RIMKLB: variants seen among roughly 807,000 people sequenced by gnomAD.
The protein encoded by RIMKLB is ribosomal modification protein rimK like family member B, also known as beta-citrylglutamate synthase B.
In RIMKLB, 7 loss-of-function variants were observed where a neutral mutation model predicts 32.0. The observed-to-expected ratio is 0.22, with a 90% CI of 0.12 to 0.41. The LOEUF (loss-of-function observed/expected upper bound fraction) is 0.41, where lower values mean the gene tolerates loss of function less well. Ranked by LOEUF, RIMKLB falls within the 10% of genes least tolerant of loss-of-function variation. The probability of loss-of-function intolerance (pLI) is 1.00; values close to 1 mark genes in which losing one functional copy is unlikely to be tolerated. For missense variants in RIMKLB, 289 were observed against 498.7 expected, an observed-to-expected ratio of 0.58 and a Z score of 4.00; for synonymous variants, 172 against 185.1, an observed-to-expected ratio of 0.93 and a Z score of 0.57.
chr12:8,689,238 T>C (rs10505736), intron 1 of RIMKLB, among the ~76,000 whole-genome samples: 35,547 of 152,216 alleles, frequency 0.23, 4,378 homozygotes, highest in Non-Finnish European at 0.26. Flanking sequence ...CAGGGGCTAC[T>C]TATACCTGGA....
chr12:8,723,511 T>G (rs1176896231), intron 2 of RIMKLB, among the ~76,000 whole-genome samples: 1 of 152,140 alleles, frequency 6.6e-6, no homozygotes, highest in African/African-American at 2.4e-5. Flanking sequence ...AAAATGACAC[T>G]GATTGACTTG....
rs944305388 is a variant in RIMKLB, at chr12:8,757,132, A to G, written c.697+3039A>G. Among the ~76,000 whole-genome samples the G allele has an allele frequency of 2.6e-5, 4 of 152,276 alleles. 1 individual carries two copies. Among genetic ancestry groups the G allele is most frequent in the Middle Eastern group, 6.8e-3 (2 of 294 alleles). ...TTATGAGTCACTTTTACTTTACTAC[A>G]TTGAGATTTAATTAATAGTTACTCT... On this transcript the variant is annotated intron_variant, in intron 5 of 5. Coordinates refer to ENST00000535829, the MANE Select transcript of RIMKLB (RefSeq NM_001297776.2).
the RIMKLB span, among the ~76,000 whole-genome samples, chr12:8,673,972 C>A: frequency 6.6e-6 from 1 of 152,068 alleles, no homozygotes; most frequent in African/African-American, 2.4e-5. Flanking sequence ...AAGGCACAGT[C>A]TCAGAAGTCC....
At chr12:8,767,389 C>G (rs1950057422) in intron 5 of RIMKLB, among the ~76,000 whole-genome samples, 1 of 150,454 alleles carries the variant, frequency 6.6e-6, no homozygotes, top group African/African-American at 2.4e-5. Context: ...GCTTCGTAGC[C>G]TAGGGGCCTA....
intron 5 of RIMKLB, among the ~76,000 whole-genome samples, chr12:8,772,375 A>G (rs1404226776): frequency 2.0e-5 from 3 of 152,108 alleles, no homozygotes; most frequent in African/African-American, 7.2e-5. Flanking sequence ...CTCCTTAAAG[A>G]GCTCTTATTT....
intron 2 of RIMKLB, among the ~76,000 whole-genome samples, chr12:8,722,045 A>G (rs61919244): frequency 0.15 from 23,228 of 152,100 alleles, 2,270 homozygotes; most frequent in Middle Eastern, 0.3. Flanking sequence ...CGCCTGGCCT[A>G]TGAGTGTTCT....
intron 2 of RIMKLB, among the ~76,000 whole-genome samples, chr12:8,724,442 A>AT (rs911462864): frequency 3.3e-5 from 5 of 151,398 alleles, no homozygotes; most frequent in African/African-American, 4.8e-5. Flanking sequence ...CTTTTTTCTG[A>AT]TTTTTTTTGT....
chr12:8,751,281 A>G (rs956262737), intron 3 of RIMKLB, among the ~76,000 whole-genome samples: 2 of 152,216 alleles, frequency 1.3e-5, no homozygotes, highest in South Asian at 2.1e-4. Context: ...TTGCAACGCT[A>G]CACATTTCTC....
At position 8,762,456 on chromosome 12, in the gene RIMKLB, G is replaced by A. The variant is rs760990745; in HGVS notation, c.697+8363G>A. Among the ~76,000 whole-genome samples the A allele has an allele frequency of 9.2e-5, 14 of 152,084 alleles. No homozygotes were observed. The East Asian group carries it at 2.1e-3, about 23-fold the overall frequency. Reference sequence around the variant, plus strand: ...TTGCGGCTCTTTTGGCTTCAGTGTCGTCTTGGTGGTTCCCTTCTACTTCCC... The same window carrying A: ...TTGCGGCTCTTTTGGCTTCAGTGTCATCTTGGTGGTTCCCTTCTACTTCCC... On this transcript the variant is annotated intron_variant, in intron 5 of 5. Transcript: ENST00000535829.
chr12:8,736,162 A>G (rs1428067584), intron 2 of RIMKLB, among the ~76,000 whole-genome samples: 3 of 152,042 alleles, frequency 2.0e-5, no homozygotes, highest in Non-Finnish European at 2.9e-5. Flanking sequence ...TGTTAGTTCT[A>G]TTTTAGTTTT....
At chr12:8,717,744 C>G (rs1322263653) in intron 2 of RIMKLB, among the ~76,000 whole-genome samples, 1 of 152,146 alleles carries the variant, frequency 6.6e-6, no homozygotes, top group East Asian at 1.9e-4. Flanking sequence ...CCACTTTAAA[C>G]TCATCTTCTA....
At chr12:8,782,111 T>G (rs748963573), downstream of RIMKLB, among the ~76,000 whole-genome samples, 35 of 145,330 alleles carry the variant, frequency 2.4e-4, no homozygotes, top group African/African-American at 8.7e-4. Flanking sequence ...TATAAAAATT[T>G]TAATGCTTTA....
At position 8,774,722 on chromosome 12, in the gene RIMKLB, CTTT is replaced by C. The variant is rs879923054; in HGVS notation, c.*941_*943del. The C allele has an allele frequency of 1.3e-5, 13 of 985,268 alleles. No individual in the cohort carries two copies. Among genetic ancestry groups the C allele is most frequent in the Admixed American group, 6.2e-5 (1 of 16,246 alleles). 61.0% of individuals were successfully genotyped at this position (985,268 alleles called of 1,614,324 possible). A position where few individuals can be genotyped will look rare whatever the true frequency, so the allele number is the denominator to read the frequency against. On this transcript the variant is annotated 3_prime_UTR_variant, in exon 6 of 6. Transcript: ENST00000535829. ...ACATTTAAAGCCTTTTATTTTTTCC[CTTT>C]TTGTTTTGGTAGTTGGGCATTTAAA...
rs1370934743 is a variant in RIMKLB at position 8,686,150 on chromosome 12, T to C, written n.219+4332T>C. 5.3e-5 allele frequency among the ~76,000 whole-genome samples: 8 copies of C among 152,168 alleles called. No individual in the cohort carries two copies. The South Asian group carries it at 1.5e-3, about 28-fold the overall frequency. On this transcript the variant is annotated intron_variant and non_coding_transcript_variant, in intron 1 of 1. Coordinates refer to the RIMKLB transcript ENST00000538758. ...AGAGACAGGGTTTCACCATGTTGGC[T>C]AGGCTGCTCTCGAACTCCTGACCTC...
At chr12:8,676,937 T>C (rs1210431527), upstream of RIMKLB, among the ~76,000 whole-genome samples, 2 of 151,980 alleles carry the variant, frequency 1.3e-5, no homozygotes, top group Admixed American at 6.6e-5. Context: ...CCTTCCAAAA[T>C]TGGAATGTCA....
At chr12:8,765,700 CTT>C (rs1288202560) in intron 5 of RIMKLB, among the ~76,000 whole-genome samples, 1 of 152,132 alleles carries the variant, frequency 6.6e-6, no homozygotes, top group Non-Finnish European at 1.5e-5. Context: ...TATTGGCACT[CTT>C]TGGTTCATTG....
chr12:8,764,858 A>G (rs1473662783), intron 5 of RIMKLB, among the ~76,000 whole-genome samples: 1 of 151,670 alleles, frequency 6.6e-6, no homozygotes, highest in Non-Finnish European at 1.5e-5. Context: ...AGCAAGCCCT[A>G]TTAGGCGTTG....
intron 1 of RIMKLB, among the ~76,000 whole-genome samples, chr12:8,698,861 G>A (rs755597831): frequency 2.4e-4 from 36 of 152,220 alleles, no homozygotes; most frequent in African/African-American, 7.9e-4. Context: ...GACAGTCTCT[G>A]AATGAGAAGG....
chr12:8,773,884 A>T lies in RIMKLB; in HGVS notation c.*100A>T. On this transcript the variant is annotated 3_prime_UTR_variant, in exon 6 of 6. Coordinates refer to ENST00000535829, the MANE Select transcript of RIMKLB (RefSeq NM_001297776.2). Reference sequence around the variant, plus strand: ...ATGCTGTTCATGGAGGATGCTCAGGAAGATGAGAGAAAATTAGTAGGATTA... The same window carrying T: ...ATGCTGTTCATGGAGGATGCTCAGGTAGATGAGAGAAAATTAGTAGGATTA... 1.4e-6 allele frequency: 2 copies of T among 1,467,496 alleles called. No individual in the cohort carries two copies. The highest frequency in any genetic ancestry group is 1.8e-6 in the Non-Finnish European group (2 of 1,111,430). The allele number at this position is 1,467,496 out of a possible 1,614,324, so 90.9% of individuals were successfully genotyped here.
Sources: gnomAD v4.1 joint callset for allele counts (sites outside exome capture counted in the v4.1 genomes callset) on GRCh38, gnomAD v4.1.1 for gene constraint, MANE v1.5 for transcripts, NCBI Gene and HGNC (gene_info 2026-07-23, HGNC 2026-07-21) for gene names.